The following HDAC9 variants were observed in gnomAD, a reference collection of about 807,000 sequenced individuals.
The protein encoded by HDAC9 is histone deacetylase 9.
HDAC9 carries 41 observed loss-of-function variants against 139.4 expected under a neutral mutation model. The ratio of observed to expected loss-of-function variants is 0.29; its 90% CI spans 0.23 to 0.38. The LOEUF (loss-of-function observed/expected upper bound fraction) is 0.38, where lower values mean the gene tolerates loss of function less well. Ranked by LOEUF, HDAC9 falls within the 10% of genes least tolerant of loss-of-function variation. The pLI is 1.00. For missense variants in HDAC9, 1,147 were observed against 1,297.0 expected, an observed-to-expected ratio of 0.88 and a Z score of 1.78; for synonymous variants, 517 against 476.2, an observed-to-expected ratio of 1.09 and a Z score of -1.12.
chr7:18,519,506 T>G (rs1044663000), intron 2 of HDAC9, among the ~76,000 whole-genome samples: 2 of 152,148 alleles, frequency 1.3e-5, no homozygotes, highest in Admixed American at 6.5e-5. Context: ...GCAGTAAGTA[T>G]CCGAGAAGAT....
intron 12 of HDAC9, among the ~76,000 whole-genome samples, chr7:18,714,593 C>G (rs1397374026): frequency 6.6e-6 from 1 of 152,240 alleles, no homozygotes; most frequent in Admixed American, 6.5e-5. Flanking sequence ...ACGAGAGTGA[C>G]TTTCCACATG....
chr7:18,171,620 A>G (rs554790564), intron 2 of HDAC9, among the ~76,000 whole-genome samples: 24 of 152,292 alleles, frequency 1.6e-4, no homozygotes, highest in African/African-American at 5.5e-4. Context: ...GATATGTTCC[A>G]TCGATACCTA....
At chr7:18,766,722 C>T (rs796190379) in intron 15 of HDAC9, among the ~76,000 whole-genome samples, 4 of 151,966 alleles carry the variant, frequency 2.6e-5, no homozygotes, top group South Asian at 4.2e-4. Context: ...TCAAAACATC[C>T]CATTGAATGA....
At chr7:18,202,669 T>A (rs572482453) in intron 2 of HDAC9, among the ~76,000 whole-genome samples, 3 of 152,362 alleles carry the variant, frequency 2.0e-5, no homozygotes, top group Non-Finnish European at 4.4e-5. Context: ...GTTGAAATCA[T>A]GATTATTAAG....
chr7:18,575,766 G>A (rs972824146), intron 2 of HDAC9, among the ~76,000 whole-genome samples: 5 of 152,216 alleles, frequency 3.3e-5, no homozygotes, highest in Non-Finnish European at 5.9e-5. Flanking sequence ...GGGTATGTGT[G>A]TATGTGAACA....
intron 2 of HDAC9, among the ~76,000 whole-genome samples, chr7:18,198,351 C>G (rs922571574): frequency 2.0e-5 from 3 of 151,904 alleles, no homozygotes; most frequent in Admixed American, 6.6e-5. Context: ...AATATCAACA[C>G]CATAGAGAAA....
At chr7:18,977,919 G>GACAGACAGACAC (rs1422767293) in intron 25 of HDAC9, among the ~76,000 whole-genome samples, 187 of 141,026 alleles carry the variant, frequency 1.3e-3, no homozygotes, top group Middle Eastern at 7.1e-3. Flanking sequence ...CAGACAGACA[G>GACAGACAGACAC]ACACACACAC....
chr7:18,839,532 T>C (rs948928077), intron 21 of HDAC9, among the ~76,000 whole-genome samples: 2 of 151,948 alleles, frequency 1.3e-5, no homozygotes, highest in African/African-American at 4.8e-5. Context: ...AATGAGTCAA[T>C]GAATGAATGA....
intron 2 of HDAC9, among the ~76,000 whole-genome samples, chr7:18,210,123 G>T (rs757874745): frequency 6.6e-5 from 10 of 152,058 alleles, no homozygotes; most frequent in African/African-American, 2.4e-4. Context: ...GTGAAGCACA[G>T]TAGGAATTCT....
intron 1 of HDAC9, among the ~76,000 whole-genome samples, chr7:18,130,010 A>T (rs367929293): frequency 6.6e-6 from 1 of 152,280 alleles, no homozygotes; most frequent in East Asian, 1.9e-4. Flanking sequence ...GACAAAACCA[A>T]ACCAAACCAA....
At chr7:18,851,657 G>A (rs1245910208) in intron 21 of HDAC9, among the ~76,000 whole-genome samples, 8 of 152,118 alleles carry the variant, frequency 5.3e-5, no homozygotes, top group African/African-American at 1.7e-4. Context: ...TCAAAGAGTG[G>A]ACTTGAAAGG....
At chr7:18,644,592 C>A in intron 8 of HDAC9, 79 bp from the exon 9 acceptor site, 5 of 1,207,714 alleles carry the variant, frequency 4.1e-6, no homozygotes, top group East Asian at 2.6e-5. Flanking sequence ...ATGGTAAGAC[C>A]CATTTTCTGA....
chr7:18,451,096 G>T (rs1792773999), intron 1 of HDAC9, among the ~76,000 whole-genome samples: 1 of 152,152 alleles, frequency 6.6e-6, no homozygotes, highest in South Asian at 2.1e-4. Context: ...GATTAGGTCA[G>T]AATGGCCTTG....
At chr7:18,799,517 A>C (rs1793108628) in intron 17 of HDAC9, among the ~76,000 whole-genome samples, 1 of 152,250 alleles carries the variant, frequency 6.6e-6, no homozygotes, top group African/African-American at 2.4e-5. Flanking sequence ...AAGTAAGTTA[A>C]GCCATGTCTA....
intron 2 of HDAC9, among the ~76,000 whole-genome samples, chr7:18,571,416 G>A (rs544383906): frequency 9.8e-5 from 15 of 152,304 alleles, no homozygotes; most frequent in Middle Eastern, 3.4e-3. Context: ...GAGGAAGTGA[G>A]TGGATAGAAC....
Position 18,583,714 on chromosome 7 carries a change from A to G in HDAC9, c.23-1567A>G, listed in dbSNP as rs534300572. Among the ~76,000 whole-genome samples, 13 of 152,296 alleles carry G rather than the reference A, an allele frequency of 8.5e-5. No homozygotes were observed. The East Asian group carries it at 2.5e-3, about 29-fold the overall frequency. Reference sequence around the variant, plus strand: ...GACTGCAGTGAGCTATGATTGCACCACTGCACTACAGCCTGGACGAAAAAG... The same window carrying G: ...GACTGCAGTGAGCTATGATTGCACCGCTGCACTACAGCCTGGACGAAAAAG... On this transcript the variant is annotated intron_variant, in intron 2 of 25. Transcript: ENST00000686413.
intron 2 of HDAC9, among the ~76,000 whole-genome samples, chr7:18,243,000 A>C (rs947369700): frequency 3.3e-5 from 5 of 152,096 alleles, no homozygotes; most frequent in Non-Finnish European, 7.4e-5. Flanking sequence ...TGTTTTAGCT[A>C]TTTGCATATG....
chr7:18,409,582 T>C (rs2128743017), intron 1 of HDAC9, among the ~76,000 whole-genome samples: 1 of 152,338 alleles, frequency 6.6e-6, no homozygotes, highest in Middle Eastern at 3.4e-3. Context: ...CATGAAATAC[T>C]GTAAATCTGT....
At chr7:18,809,980 A>G (rs1304338071) in intron 17 of HDAC9, among the ~76,000 whole-genome samples, 5 of 152,046 alleles carry the variant, frequency 3.3e-5, no homozygotes, top group South Asian at 4.1e-4. Context: ...AATGTGCATT[A>G]GCAGATGAAC....
Sources: allele counts gnomAD v4.1 joint callset (sites outside exome capture counted in the v4.1 genomes callset), GRCh38; gene constraint gnomAD v4.1.1; transcripts MANE v1.5; gene names NCBI Gene and HGNC (gene_info 2026-07-23, HGNC 2026-07-21).